CACNB4: variants seen among roughly 807,000 people sequenced by gnomAD.
The protein encoded by CACNB4 is voltage-dependent L-type calcium channel subunit beta-4.
CACNB4 carries 32 observed loss-of-function variants against 71.2 expected under a neutral mutation model. The observed-to-expected ratio is 0.45, with a 90% confidence interval of 0.34 to 0.60. The LOEUF is 0.60. CACNB4 is among the 20% of genes least tolerant of loss of function. The probability of loss-of-function intolerance (pLI) is 0.01; values close to 1 mark genes in which losing one functional copy is unlikely to be tolerated. For missense variants in CACNB4, 464 were observed against 647.9 expected, an observed-to-expected ratio of 0.72 and a Z score of 3.08; for synonymous variants, 231 against 236.9, an observed-to-expected ratio of 0.97 and a Z score of 0.23.
chr2:151,868,771 GACACACAC>G lies in CACNB4; in HGVS notation c.758+398_758+405del, dbSNP rs58785929. The G allele has an allele frequency of 4.4e-3, 660 of 148,606 alleles. 5 individuals are homozygous for G. Among genetic ancestry groups the G allele is most frequent in the East Asian group, 0.012 (59 of 5,106 alleles). The allele number at this position is 148,606 out of a possible 1,614,324, so 9.2% of individuals were successfully genotyped here. On this transcript the variant is annotated intron_variant, in intron 9 of 13. Coordinates refer to ENST00000539935, the MANE Select transcript of CACNB4 (RefSeq NM_000726.5). ...GTACTTGACATTTATGCTTTCATAT[GACACACAC>G]ACACACACACACACACACACACACA... is the stretch of plus-strand genomic sequence containing the variant.
intron 2 of CACNB4, among the ~76,000 whole-genome samples, chr2:152,064,443 C>T (rs961075663): frequency 2.6e-5 from 4 of 152,172 alleles, no homozygotes; most frequent in South Asian, 2.1e-4. Flanking sequence ...TGCAGTGTTG[C>T]GATCTCAGCT....
At chr2:152,035,901 A>G (rs749561264) in intron 2 of CACNB4, among the ~76,000 whole-genome samples, 2 of 152,196 alleles carry the variant, frequency 1.3e-5, no homozygotes, top group African/African-American at 2.4e-5. Context: ...ATTATTCACA[A>G]TAGCCAAGAT....
At chr2:151,917,623 G>A (rs2099857854) in intron 2 of CACNB4, among the ~76,000 whole-genome samples, 2 of 152,030 alleles carry the variant, frequency 1.3e-5, no homozygotes, top group Non-Finnish European at 2.9e-5. Flanking sequence ...GATCACCTGA[G>A]GTCAGGAGTT....
chr2:151,955,907 A>C (rs2099868127), intron 2 of CACNB4, among the ~76,000 whole-genome samples: 1 of 126,160 alleles, frequency 7.9e-6, no homozygotes, highest in African/African-American at 2.5e-5. Context: ...GGTCTCAAAA[A>C]TAAAAAATAG....
intron 2 of CACNB4, among the ~76,000 whole-genome samples, chr2:152,090,194 C>T (rs1260999420): frequency 6.6e-6 from 1 of 152,216 alleles, no homozygotes; most frequent in African/African-American, 2.4e-5. Context: ...CATTAAATAG[C>T]ATTGCCTTTT....
At position 152,098,858 on chromosome 2, in the gene CACNB4, G is replaced by A; in HGVS notation, c.63+91C>T. On this transcript the variant is annotated intron_variant, in intron 1 of 13. Coordinates refer to ENST00000539935, the MANE Select transcript of CACNB4 (RefSeq NM_000726.5). This position sits in a 1 kb window ranked among gnomAD's most constrained non-coding sequence, Gnocchi z 5.3. Reference sequence around the variant, plus strand: ...GACTCCCGGGACTGGGGCCCCGCACGCCCGGCACGAAGGCGGGGCGCGCTA... The same window carrying A: ...GACTCCCGGGACTGGGGCCCCGCACACCCGGCACGAAGGCGGGGCGCGCTA... 3 of 1,127,674 alleles carry A rather than the reference G, an allele frequency of 2.7e-6. No individual in the cohort carries two copies. The highest frequency in any genetic ancestry group is 3.7e-6 in the Non-Finnish European group (3 of 808,816). 69.9% of individuals were successfully genotyped at this position (1,127,674 alleles called of 1,614,324 possible).
At chr2:151,854,284 C>T (rs2099839729) in intron 11 of CACNB4, 1 of 152,300 alleles carries the variant, frequency 6.6e-6, no homozygotes, top group Non-Finnish European at 1.5e-5. Context: ...AGTGCTTGAA[C>T]CCCCAGCAGC....
chr2:151,948,196 C>G (rs1041592736), intron 2 of CACNB4, among the ~76,000 whole-genome samples: 1 of 152,176 alleles, frequency 6.6e-6, no homozygotes, highest in African/African-American at 2.4e-5. Context: ...TACCCCAAAG[C>G]CAGCATTTCC....
chr2:152,028,592 A>G (rs1684102133), intron 2 of CACNB4, among the ~76,000 whole-genome samples: 1 of 152,180 alleles, frequency 6.6e-6, no homozygotes. Flanking sequence ...TTTCTGCGAA[A>G]GAAGAAGGGA....
At chr2:151,922,879 A>G (rs2099859312) in intron 2 of CACNB4, among the ~76,000 whole-genome samples, 3 of 152,250 alleles carry the variant, frequency 2.0e-5, no homozygotes. Context: ...AATGTAGTCA[A>G]TACTGAGCGT....
chr2:151,948,708 A>C (rs751119808), intron 2 of CACNB4, among the ~76,000 whole-genome samples: 4 of 152,030 alleles, frequency 2.6e-5, no homozygotes, highest in Non-Finnish European at 5.9e-5. Context: ...TGGAAGCAGC[A>C]GTTCCTGCCA....
At chr2:151,893,967 G>T (rs1217658729) in intron 2 of CACNB4, among the ~76,000 whole-genome samples, 1 of 152,128 alleles carries the variant, frequency 6.6e-6, no homozygotes, top group African/African-American at 2.4e-5. Context: ...AAAACTACAG[G>T]CCAATGCCAA....
intron 2 of CACNB4, among the ~76,000 whole-genome samples, chr2:151,912,271 TGA>T (rs2099856372): frequency 6.6e-6 from 1 of 152,226 alleles, no homozygotes; most frequent in African/African-American, 2.4e-5. Context: ...GGTGTTGATG[TGA>T]GATCTTTCTA....
At chr2:152,019,161 G>C (rs1025910792) in intron 2 of CACNB4, among the ~76,000 whole-genome samples, 5 of 152,154 alleles carry the variant, frequency 3.3e-5, no homozygotes, top group Non-Finnish European at 7.3e-5. Flanking sequence ...GCACCTGAGA[G>C]TATTTTTGAC....
chr2:151,893,588 A>G (rs1291907607), intron 2 of CACNB4, among the ~76,000 whole-genome samples: 2 of 152,128 alleles, frequency 1.3e-5, no homozygotes, highest in African/African-American at 2.4e-5. Context: ...ATTTAAAGGC[A>G]ATATTATATA....
In CACNB4 at chr2:151,944,032, T is replaced by C. The variant is rs1326062567; in HGVS notation, c.148-60662A>G. 6.0e-5 allele frequency among the ~76,000 whole-genome samples: 9 copies of C among 151,026 alleles called. No homozygotes were observed. In the East Asian group the frequency reaches 1.5e-3, roughly 26 times the overall value. ...TACAGGATTATACTTTCTTTCTTTT[T>C]TTTTTTTTTTTTTAGAGAAAGGGTC... On this transcript the variant is annotated intron_variant, in intron 2 of 13. Transcript: ENST00000539935.
chr2:152,013,543 G>A (rs1457077671), intron 2 of CACNB4, among the ~76,000 whole-genome samples: 1 of 152,062 alleles, frequency 6.6e-6, no homozygotes. Flanking sequence ...GTCCCATGAT[G>A]GAATCCTGGG....
At chr2:151,920,550 T>C (rs947434846) in intron 2 of CACNB4, among the ~76,000 whole-genome samples, 1 of 152,044 alleles carries the variant, frequency 6.6e-6, no homozygotes, top group African/African-American at 2.4e-5. Flanking sequence ...TTTCCCTGGC[T>C]AGTCCTGGCC....
At chr2:151,881,914 C>G (rs1354628496) in intron 3 of CACNB4, among the ~76,000 whole-genome samples, 1 of 149,990 alleles carries the variant, frequency 6.7e-6, no homozygotes, top group African/African-American at 2.5e-5. Context: ...GGAGTCTCAC[C>G]CTGTTGCCCA....
Sources: gnomAD v4.1 joint callset for allele counts (sites outside exome capture counted in the v4.1 genomes callset) on GRCh38, gnomAD v4.1.1 for gene constraint, Gnocchi (gnomAD v3.1) non-coding constraint, MANE v1.5 for transcripts, NCBI Gene and HGNC (gene_info 2026-07-23, HGNC 2026-07-21) for gene names.